The following COG5 variants were observed in gnomAD, a reference collection of about 807,000 sequenced individuals.
COG5 encodes conserved oligomeric Golgi complex subunit 5.
COG5 carries 86 observed loss-of-function variants against 110.4 expected under a neutral mutation model. The observed-to-expected ratio is 0.78, with a 90% CI of 0.65 to 0.93. The LOEUF is 0.93. Ranked by LOEUF, COG5 falls within the 40% of genes least tolerant of loss-of-function variation. The pLI, the probability that COG5 is intolerant of heterozygous loss-of-function variation, is 0.00. For missense variants in COG5, 1,077 were observed against 987.0 expected (o/e 1.09, Z -1.22); for synonymous variants, 360 against 334.6 (o/e 1.08, Z -0.83).
intron 10 of COG5, among the ~76,000 whole-genome samples, chr7:107,325,034 T>C (rs1369563157): frequency 1.3e-5 from 2 of 152,118 alleles, no homozygotes; most frequent in Non-Finnish European, 2.9e-5. Flanking sequence ...CAAGAAATAA[T>C]TCACTATTAC....
intron 12 of COG5, among the ~76,000 whole-genome samples, chr7:107,285,473 C>T (rs543687138): frequency 6.6e-6 from 1 of 152,204 alleles, no homozygotes; most frequent in African/African-American, 2.4e-5. Flanking sequence ...TAAAATATGT[C>T]CTATATTAAA....
At chr7:107,491,490 T>A (rs906220857) in intron 6 of COG5, among the ~76,000 whole-genome samples, 8 of 152,170 alleles carry the variant, frequency 5.3e-5, no homozygotes, top group Non-Finnish European at 1.0e-4. Flanking sequence ...TTTTCCCAGG[T>A]GAAGGCTCGT....
At chr7:107,539,857 TAA>T (rs1246839918) in intron 5 of COG5, among the ~76,000 whole-genome samples, 1 of 152,144 alleles carries the variant, frequency 6.6e-6, no homozygotes, top group Non-Finnish European at 1.5e-5. Context: ...CAGGAATGAA[TAA>T]TTGGACAATA....
intron 7 of COG5, among the ~76,000 whole-genome samples, chr7:107,386,464 A>C (rs1790206649): frequency 6.6e-6 from 1 of 152,084 alleles, no homozygotes. Flanking sequence ...AACGCTGCGG[A>C]GGAAGCACGA....
intron 14 of COG5, among the ~76,000 whole-genome samples, chr7:107,261,916 A>G (rs1159282517): frequency 6.7e-6 from 1 of 148,852 alleles, no homozygotes; most frequent in Non-Finnish European, 1.5e-5. Context: ...TTTTTTAAAG[A>G]TAGGCTCTCT....
At chr7:107,386,226 G>C (rs891689779) in intron 7 of COG5, among the ~76,000 whole-genome samples, 1 of 140,362 alleles carries the variant, frequency 7.1e-6, no homozygotes, top group African/African-American at 2.6e-5. Flanking sequence ...ACTAAACTTA[G>C]ACCATCCGCA....
At chr7:107,257,117 T>G (rs1802950415) in intron 15 of COG5, among the ~76,000 whole-genome samples, 1 of 152,176 alleles carries the variant, frequency 6.6e-6, no homozygotes, top group Non-Finnish European at 1.5e-5. Context: ...TACTCATTTC[T>G]TTCACTCATG....
At chr7:107,216,921 G>GA (rs1435569673) in intron 19 of COG5, among the ~76,000 whole-genome samples, 19 of 151,808 alleles carry the variant, frequency 1.3e-4, no homozygotes, top group African/African-American at 2.9e-4. Context: ...AAAACCAGGG[G>GA]AAAAAATCAA....
At chr7:107,546,435 G>GTTTTTT (rs754919944) in intron 5 of COG5, among the ~76,000 whole-genome samples, 5 of 119,508 alleles carry the variant, frequency 4.2e-5, no homozygotes, top group East Asian at 2.6e-4. Flanking sequence ...TTGGTTTTTT[G>GTTTTTT]TTTTTTTTTT....
intron 12 of COG5, among the ~76,000 whole-genome samples, chr7:107,289,753 T>C (rs960403371): frequency 6.6e-6 from 1 of 152,198 alleles, no homozygotes; most frequent in African/African-American, 2.4e-5. Flanking sequence ...CTTTGTGGTG[T>C]TGTTATACAT....
chr7:107,380,773 A>G (rs1156468729), intron 7 of COG5, among the ~76,000 whole-genome samples: 2 of 152,190 alleles, frequency 1.3e-5, no homozygotes, highest in African/African-American at 4.8e-5. Flanking sequence ...TATTCCAAAC[A>G]ATAGGAAAAG....
intron 3 of COG5, among the ~76,000 whole-genome samples, chr7:107,551,395 A>G (rs1802880311): frequency 6.6e-6 from 1 of 152,226 alleles, no homozygotes; most frequent in South Asian, 2.1e-4. Context: ...ATTTTTAAAA[A>G]GAACATTTTT....
intron 6 of COG5, among the ~76,000 whole-genome samples, chr7:107,520,760 C>A (rs1800265928): frequency 6.6e-6 from 1 of 152,164 alleles, no homozygotes; most frequent in African/African-American, 2.4e-5. Context: ...TATCAAACTA[C>A]CATTAACATT....
intron 6 of COG5, among the ~76,000 whole-genome samples, chr7:107,452,541 T>G (rs1013243310): frequency 3.3e-5 from 5 of 152,162 alleles, no homozygotes; most frequent in African/African-American, 1.2e-4. Context: ...CAAGATCTGA[T>G]GGTTTTGAAA....
intron 18 of COG5, among the ~76,000 whole-genome samples, chr7:107,236,161 T>C (rs139531379): frequency 9.7e-4 from 147 of 152,282 alleles, no homozygotes; most frequent in African/African-American, 3.3e-3. Context: ...GAAAATCCCA[T>C]ATGAAATAAA....
chr7:107,559,190 T>C (rs1408043868), intron 1 of COG5, among the ~76,000 whole-genome samples: 1 of 152,076 alleles, frequency 6.6e-6, no homozygotes, highest in Non-Finnish European at 1.5e-5. Context: ...AGAAAAGCTG[T>C]TTAAAATAGG....
intron 14 of COG5, among the ~76,000 whole-genome samples, chr7:107,273,273 C>T (rs10953534): frequency 0.16 from 24,436 of 152,010 alleles, 2,355 homozygotes; most frequent in Non-Finnish European, 0.22. Context: ...GGTTTTCTTT[C>T]GATCTTATTA....
chr7:107,558,000 C>A lies in COG5; in HGVS notation c.210G>T (p.Gln70His). 1 of 1,613,876 alleles carries A rather than the reference C, an allele frequency of 6.2e-7. No homozygotes were observed. The highest frequency in any genetic ancestry group is 8.5e-7 in the Non-Finnish European group (1 of 1,179,946). The part of the protein sequence containing the change: ...QLAKLAQGIS[Q>H]LDRELHLQVV... ...CCTGTAAGTGTAGTTCTCTGTCCAA[C>A]TGACTGATTCCTTGGGCAAGTTTTG... is the stretch of plus-strand genomic sequence containing the variant. The change falls in exon 2 of 22, where the codon CAG becomes CAT. Residue 70 changes from glutamine (Q) to histidine (H), a missense_variant. Coordinates refer to ENST00000297135, the MANE Select transcript of COG5 (RefSeq NM_006348.5).
chr7:107,265,810 T>C (rs1803751788), intron 14 of COG5, among the ~76,000 whole-genome samples: 1 of 152,100 alleles, frequency 6.6e-6, no homozygotes, highest in South Asian at 2.1e-4. Context: ...ATCCCAGCAC[T>C]TTAGGAGGCT....
Sources: gnomAD v4.1 joint callset for allele counts (sites outside exome capture counted in the v4.1 genomes callset) on GRCh38, gnomAD v4.1.1 for gene constraint, MANE v1.5 for transcripts, NCBI Gene and HGNC (gene_info 2026-07-23, HGNC 2026-07-21) for gene names.